CA10: variants seen among roughly 807,000 people sequenced by gnomAD.
CA10 encodes carbonic anhydrase 10 (inactive).
In CA10, 14 loss-of-function variants were observed where a neutral mutation model predicts 44.2. That is an observed-to-expected ratio of 0.32 (90% CI 0.21 to 0.50). The LOEUF (loss-of-function observed/expected upper bound fraction) is 0.50. Ranked by LOEUF, CA10 falls within the 20% of genes least tolerant of loss-of-function variation. The pLI is 0.99. For synonymous variants in CA10, 159 were observed against 141.6 expected, an observed-to-expected ratio of 1.12 and a Z score of -0.87; for missense variants, 350 against 409.7, an observed-to-expected ratio of 0.85 and a Z score of 1.26.
intron 3 of CA10, among the ~76,000 whole-genome samples, chr17:51,901,758 ATGT>A (rs1343805195): frequency 1.3e-5 from 2 of 152,116 alleles, no homozygotes; most frequent in South Asian, 2.1e-4. Flanking sequence ...AATGATGACA[ATGT>A]TGTTGTTGAT....
At chr17:51,839,028 T>C (rs886803850) in intron 3 of CA10, among the ~76,000 whole-genome samples, 1 of 152,240 alleles carries the variant, frequency 6.6e-6, no homozygotes, top group African/African-American at 2.4e-5. Context: ...TCTAACACAG[T>C]ACCTAGCACA....
At chr17:52,083,965 GTTAC>G (rs1300067163) in intron 1 of CA10, among the ~76,000 whole-genome samples, 5 of 152,012 alleles carry the variant, frequency 3.3e-5, no homozygotes, top group Non-Finnish European at 7.4e-5. Flanking sequence ...TCTATTTTTA[GTTAC>G]CAAGAAAACT....
intron 1 of CA10, among the ~76,000 whole-genome samples, chr17:52,121,644 A>C (rs1291508150): frequency 7.2e-6 from 1 of 138,656 alleles, no homozygotes; most frequent in Non-Finnish European, 1.5e-5. Flanking sequence ...AAATGAGGGA[A>C]TCTCTATCTA....
intron 4 of CA10, among the ~76,000 whole-genome samples, chr17:51,664,474 T>C (rs147597603): frequency 6.6e-6 from 1 of 151,744 alleles, no homozygotes; most frequent in East Asian, 1.9e-4. Flanking sequence ...CATCTCAATA[T>C]GGAGTACCTG....
At chr17:51,649,157 G>A in intron 6 of CA10, 25 bp downstream of exon 6, 1 of 1,551,348 alleles carries the variant, frequency 6.4e-7, no homozygotes, top group Non-Finnish European at 8.9e-7. Context: ...AATAGTTGCT[G>A]TGGAGGAAAT....
intron 1 of CA10, among the ~76,000 whole-genome samples, chr17:52,085,496 C>G (rs1988093533): frequency 6.6e-6 from 1 of 152,176 alleles, no homozygotes; most frequent in African/African-American, 2.4e-5. Context: ...TTTCAAGTCT[C>G]TCTGCAAAGC....
chr17:51,898,835 A>G, intron 3 of CA10, among the ~76,000 whole-genome samples: 1 of 151,944 alleles, frequency 6.6e-6, no homozygotes, highest in Non-Finnish European at 1.5e-5. Flanking sequence ...GTATGTGTGC[A>G]TAGAGGTATT....
chr17:52,021,877 A>G (rs2144155196), intron 2 of CA10, among the ~76,000 whole-genome samples: 1 of 152,186 alleles, frequency 6.6e-6, no homozygotes, highest in Non-Finnish European at 1.5e-5. Flanking sequence ...CCTGAACAGA[A>G]CAATAACATG....
At chr17:51,645,624 G>C (rs977797453) in intron 6 of CA10, among the ~76,000 whole-genome samples, 2 of 152,162 alleles carry the variant, frequency 1.3e-5, no homozygotes, top group African/African-American at 4.8e-5. Flanking sequence ...GGAATTAAGA[G>C]AAAAACATGC....
intron 1 of CA10, among the ~76,000 whole-genome samples, chr17:52,140,440 G>A (rs1156350490): frequency 1.3e-5 from 2 of 152,060 alleles, no homozygotes; most frequent in Non-Finnish European, 2.9e-5. Context: ...GAATGAGTGT[G>A]GTTGTTTTCA....
rs746273689 is a variant in CA10, at chr17:52,157,765, G to C, written c.22C>G (p.Leu8Val). The change falls in exon 1 of 9, where the codon CTT becomes GTT. Residue 8 changes from leucine (L) to valine (V), a missense_variant. Coordinates refer to ENST00000451037, the MANE Select transcript of CA10 (RefSeq NM_020178.5). Reference protein sequence around the residue: MEIVWEVLFLLQANFIVC... With the variant: MEIVWEVVFLLQANFIVC... ...ATGAAATTGGCTTGAAGAAGAAAAA[G>C]CACCTCCCAGACTATTTCCATCCTC... is the stretch of plus-strand genomic sequence containing the variant. The C allele has an allele frequency of 6.2e-7, 1 of 1,613,952 alleles. No homozygotes were observed. The highest frequency in any genetic ancestry group is 8.5e-7 in the Non-Finnish European group (1 of 1,179,894).
chr17:52,112,415 C>T (rs371816421), intron 1 of CA10, among the ~76,000 whole-genome samples: 1 of 152,140 alleles, frequency 6.6e-6, no homozygotes, highest in African/African-American at 2.4e-5. Flanking sequence ...TACATATTGC[C>T]TATGCTTCTT....
At chr17:52,061,683 T>G (rs1357488169) in intron 2 of CA10, among the ~76,000 whole-genome samples, 6 of 152,134 alleles carry the variant, frequency 3.9e-5, no homozygotes, top group African/African-American at 1.4e-4. Context: ...CTTGCTGGCT[T>G]CTTCTCTCTC....
intron 3 of CA10, among the ~76,000 whole-genome samples, chr17:51,803,878 A>G (rs980950649): frequency 2.0e-5 from 3 of 152,356 alleles, no homozygotes; most frequent in African/African-American, 7.2e-5. Context: ...ATGATAATCA[A>G]AGAGTCTTTC....
intron 2 of CA10, among the ~76,000 whole-genome samples, chr17:51,934,895 G>A (rs1163408692): frequency 6.6e-6 from 1 of 152,152 alleles, no homozygotes; most frequent in African/African-American, 2.4e-5. Context: ...CAAATGTGGT[G>A]TAATCTAGAT....
At chr17:51,967,850 A>G (rs1984138236) in intron 2 of CA10, among the ~76,000 whole-genome samples, 1 of 151,838 alleles carries the variant, frequency 6.6e-6, no homozygotes, top group African/African-American at 2.4e-5. Context: ...ATTATAAAAA[A>G]AAAGAAAATA....
chr17:51,990,430 T>TAA (rs34085669), intron 2 of CA10, among the ~76,000 whole-genome samples: 3 of 151,626 alleles, frequency 2.0e-5, no homozygotes, highest in South Asian at 2.1e-4. Context: ...TTTTCCTAAT[T>TAA]AAAAAAAAAT....
chr17:51,888,790 C>T (rs1199407480), intron 3 of CA10, among the ~76,000 whole-genome samples: 1 of 152,150 alleles, frequency 6.6e-6, no homozygotes, highest in Admixed American at 6.6e-5. Flanking sequence ...TTCCCATTAC[C>T]TATTGCTACA....
At chr17:51,682,714 A>G (rs1010802827) in intron 4 of CA10, among the ~76,000 whole-genome samples, 2 of 152,204 alleles carry the variant, frequency 1.3e-5, no homozygotes, top group Non-Finnish European at 2.9e-5. Flanking sequence ...TTGTATATAC[A>G]TTGGAAACAG....
Sources: allele counts gnomAD v4.1 joint callset (sites outside exome capture counted in the v4.1 genomes callset), GRCh38; gene constraint gnomAD v4.1.1; transcripts MANE v1.5; gene names NCBI Gene and HGNC (gene_info 2026-07-23, HGNC 2026-07-21).